Variants in EPHB4 observed in about 807,000 individuals in gnomAD.
EPHB4 encodes ephrin type-B receptor 4.
A neutral mutation model predicts 110.6 loss-of-function variants in EPHB4; 50 were observed. The observed-to-expected ratio is 0.45, with a 90% CI of 0.36 to 0.57. The LOEUF is 0.57. EPHB4 is among the 20% of genes least tolerant of loss of function. The pLI is 0.00. For synonymous variants in EPHB4, 592 were observed against 578.4 expected, an observed-to-expected ratio of 1.02 and a Z score of -0.34; for missense variants, 1,128 against 1,382.1, an observed-to-expected ratio of 0.82 and a Z score of 2.91.
intron 8 of EPHB4, among the ~76,000 whole-genome samples, chr7:100,816,935 C>A (rs180825371): frequency 1.2e-4 from 18 of 151,772 alleles, no homozygotes; most frequent in African/African-American, 4.4e-4. Flanking sequence ...TACAAAAAAT[C>A]GGCCAGGCGC....
rs144603462 is a variant in EPHB4 at position 100,810,371 on chromosome 7, T to A, written c.2118+2376A>T. Among the ~76,000 whole-genome samples, 369 of 152,244 alleles carry A rather than the reference T, an allele frequency of 2.4e-3. 2 individuals are homozygous for A. The highest frequency in any genetic ancestry group is 8.0e-3 in the African/African-American group (331 of 41,540). On this transcript the variant is annotated intron_variant, in intron 12 of 16. Coordinates refer to ENST00000358173, the MANE Select transcript of EPHB4 (RefSeq NM_004444.5). ...TTCATAAATCCAGAAATCAAGACAT[T>A]CAGGCGGACAAGGGACCTAACCCTT...
intron 6 of EPHB4, 146 bp downstream of exon 6, chr7:100,819,411 T>A (rs1026773464): frequency 1.1e-6 from 1 of 886,618 alleles, no homozygotes; most frequent in Non-Finnish European, 1.7e-6. Context: ...CGCCCAGCCA[T>A]TGCCCTCTTT....
rs766227428 is a variant in EPHB4, at chr7:100,803,584, C to A, written c.2841G>T (p.Leu947=). The change falls in exon 17 of 17, where the codon CTG becomes CTT. Residue 947 remains leucine, a synonymous_variant. Coordinates refer to ENST00000358173, the MANE Select transcript of EPHB4 (RefSeq NM_004444.5). ...CCGCCAGAGTGACTCCGATTCGGAG[C>A]AGGTCCCTGCAGAAGGAAAGGAGAG... ...ELVSQISAED[L]LRIGVTLAGH... 5.6e-6 allele frequency: 9 copies of A among 1,601,966 alleles called. No homozygotes were observed. The highest frequency in any genetic ancestry group is 7.7e-6 in the Non-Finnish European group (9 of 1,172,066).
At chr7:100,819,933 G>C (rs1024216478) in intron 5 of EPHB4, 44 bp from the exon 6 acceptor site, 1 of 1,512,878 alleles carries the variant, frequency 6.6e-7, no homozygotes. Context: ...CCTGCTCTGC[G>C]GTGGTGGGGA....
intron 10 of EPHB4, 138 bp downstream of exon 10, chr7:100,813,514 A>G: frequency 1.1e-6 from 1 of 876,512 alleles, no homozygotes; most frequent in Non-Finnish European, 1.8e-6. Flanking sequence ...TGGAGTTTCA[A>G]CATGTTGGCC....
chr7:100,807,645 C>A, intron 12 of EPHB4, 65 bp from the exon 13 acceptor site: 2 of 1,510,234 alleles, frequency 1.3e-6, no homozygotes, highest in South Asian at 1.2e-5. Context: ...CTCCCATCCA[C>A]ATCTTTTTTT....
In EPHB4 at chr7:100,813,186, G is replaced by A; in HGVS notation, c.1779C>T (p.Pro593=). 2 of 1,605,260 alleles carry A rather than the reference G, an allele frequency of 1.2e-6. No individual in the cohort carries two copies. Among genetic ancestry groups the A allele is most frequent in the Non-Finnish European group, 1.7e-6 (2 of 1,179,976 alleles). The change falls in exon 11 of 17, where the codon CCC becomes CCT. Residue 593 remains proline, a synonymous_variant. Coordinates refer to ENST00000358173, the MANE Select transcript of EPHB4 (RefSeq NM_004444.5). ...CCTCATTAGGGTCTTCATAAGTGAA[G>A]GGGTCGATGTAGACCTTAGTACCTG... ...IGHGTKVYID[P]FTYEDPNEAV...
chr7:100,822,488 G>A lies in EPHB4; in HGVS notation c.591C>T (p.Cys197=), dbSNP rs1180723589. The A allele has an allele frequency of 2.8e-5, 45 of 1,613,000 alleles. No individual in the cohort carries two copies. The highest frequency in any genetic ancestry group is 1.7e-4 in the Middle Eastern group (1 of 6,060). The change falls in exon 4 of 17, where the codon TGC becomes TGT. Residue 197 remains cysteine (C), a synonymous_variant. Transcript: ENST00000358173. The surrounding 1 kb of genome is among the most constrained non-coding windows in gnomAD (Gnocchi z 4.7). ...GAGTCAGGTTCACAGTCAGCTGGGC[G>A]CACTTTTTGTAGAAGAGGTGCAGGG... ...LLSLHLFYKK[C]AQLTVNLTRF... is the part of the protein sequence containing the mutation.
chr7:100,822,615 G>T lies in EPHB4; in HGVS notation c.464C>A (p.Ala155Asp), dbSNP rs1330613479. Residue 155 changes from alanine (A) to aspartate (D), a missense_variant, in exon 4 of 17, where the codon GCC becomes GAC. Ala to Asp is a moderately radical substitution (Grantham distance 126). Around this residue, in one of 3 missense-constraint regions of EPHB4, gnomAD observed 728 missense variants for 828.6 expected, o/e 0.88. Coordinates refer to ENST00000358173, the MANE Select transcript of EPHB4 (RefSeq NM_004444.5). The surrounding 1 kb of genome is among the most constrained non-coding windows in gnomAD (Gnocchi z 4.7). Reference protein sequence around the residue: ...HLTRKRPGAEATGKVNVKTLR... With the variant: ...HLTRKRPGAEDTGKVNVKTLR... ...CGTCTTGACATTCACCTTCCCGGTG[G>T]CCTCGGCCCCAGGGCGCTTCCGGGT... 1.2e-6 allele frequency: 2 copies of T among 1,603,280 alleles called. No individual in the cohort carries two copies. Among genetic ancestry groups the T allele is most frequent in the Non-Finnish European group, 1.7e-6 (2 of 1,173,310 alleles).
intron 5 of EPHB4, 24 bp from the exon 6 acceptor site, chr7:100,819,913 C>G (rs778263219): frequency 3.9e-6 from 6 of 1,532,142 alleles, no homozygotes; most frequent in African/African-American, 1.4e-5. Flanking sequence ...GGGAGTCAGG[C>G]AGAGGCCGAC....
intron 12 of EPHB4, among the ~76,000 whole-genome samples, chr7:100,811,716 A>T (rs1045064025): frequency 2.0e-5 from 3 of 151,854 alleles, no homozygotes; most frequent in Admixed American, 2.0e-4. Context: ...AAAAAATTTT[A>T]AAAATTTGCT....
In EPHB4 at chr7:100,806,490, C is replaced by T. The variant is rs1409605268; in HGVS notation, c.2414G>A (p.Ser805Asn). The T allele has an allele frequency of 6.2e-7, 1 of 1,614,070 alleles. No homozygotes were observed. Among genetic ancestry groups the T allele is most frequent in the East Asian group, 2.2e-5 (1 of 44,882 alleles). The stretch of plus-strand genomic sequence containing the variant: ...CACCTCCCACATCACAATCCCGTAA[C>T]TCCAGGCATCACTGGCGGAAGTGAA... ...RKFTSASDAW[S>N]YGIVMWEVMS... The change falls in exon 14 of 17, where the codon AGT becomes AAT. Residue 805 changes from serine (S) to asparagine (N), a missense_variant. By Grantham distance (46) the Ser-to-Asn change is conservative. Transcript: ENST00000358173.
intron 6 of EPHB4, 38 bp from the exon 7 acceptor site, chr7:100,818,682 G>GTA (rs752024087): frequency 2.5e-5 from 39 of 1,590,674 alleles, no homozygotes; most frequent in Non-Finnish European, 3.3e-5. Context: ...CTTGTGCATG[G>GTA]TAGCTCTGTC....
intron 15 of EPHB4, 23 bp downstream of exon 15, chr7:100,805,478 G>A (rs766137248): frequency 2.6e-6 from 4 of 1,528,510 alleles, no homozygotes; most frequent in Non-Finnish European, 1.8e-6. Flanking sequence ...CGGGAAGGAG[G>A]GCCCATTCTC....
intron 8 of EPHB4, 159 bp from the exon 9 acceptor site, chr7:100,814,180 C>G (rs1261287306): frequency 1.4e-6 from 1 of 713,504 alleles, no homozygotes; most frequent in East Asian, 2.8e-5. Flanking sequence ...AGGGAACAAA[C>G]AGTGGGTTTC....
chr7:100,812,546 G>A (rs1474428728), intron 12 of EPHB4, among the ~76,000 whole-genome samples: 3 of 152,086 alleles, frequency 2.0e-5, no homozygotes, highest in Non-Finnish European at 2.9e-5. Context: ...CCGAGATCGC[G>A]CCACTGCACT....
chr7:100,806,397 T>TGGTA, intron 14 of EPHB4, 23 bp downstream of exon 14: 1 of 1,602,484 alleles, frequency 6.2e-7, no homozygotes, highest in Middle Eastern at 1.7e-4. Flanking sequence ...GAGGAAAGCT[T>TGGTA]GGTAGGACCA....
At chr7:100,814,331 T>C (rs557253899) in intron 8 of EPHB4, among the ~76,000 whole-genome samples, 2 of 152,310 alleles carry the variant, frequency 1.3e-5, no homozygotes, top group Non-Finnish European at 2.9e-5. Flanking sequence ...CAGGCTGGAG[T>C]GCAGTGGCGC....
At position 100,827,338 on chromosome 7, in the gene EPHB4, G is replaced by A. The variant is rs953169917; in HGVS notation, c.-308C>T. On this transcript the variant is annotated 5_prime_UTR_variant, in exon 1 of 17. Coordinates refer to ENST00000358173, the MANE Select transcript of EPHB4 (RefSeq NM_004444.5). ...CTCGGGGTCCCGCCCCGGGTGGCGG[G>A]GGCTGAGCCGGCCGCTCGCGGTCTC... The A allele has an allele frequency of 1.3e-5, 2 of 151,436 alleles. No individual in the cohort carries two copies. The highest frequency in any genetic ancestry group is 4.8e-5 in the African/African-American group (2 of 41,258). 9.4% of individuals were successfully genotyped at this position (151,436 alleles called of 1,614,324 possible). A position where few individuals can be genotyped will look rare whatever the true frequency, so the allele number is the denominator to read the frequency against.
Sources: allele counts gnomAD v4.1 joint callset (sites outside exome capture counted in the v4.1 genomes callset), GRCh38; gene constraint gnomAD v4.1.1; regional missense constraint gnomAD v4.1.1; non-coding constraint Gnocchi (gnomAD v3.1); transcripts MANE v1.5; gene names NCBI Gene and HGNC (gene_info 2026-07-23, HGNC 2026-07-21).